ADAMTS12: variants seen among roughly 807,000 people sequenced by gnomAD.
ADAMTS12 encodes ADAM metallopeptidase with thrombospondin type 1 motif 12.
Under a neutral mutation model 167.8 loss-of-function variants are expected in ADAMTS12, and 118 were observed. That is an observed-to-expected ratio of 0.70 (90% CI 0.61 to 0.82). ADAMTS12 has a LOEUF of 0.82. ADAMTS12 is among the 40% of genes least tolerant of loss of function. The pLI, the probability that ADAMTS12 is intolerant of heterozygous loss-of-function variation, is 0.00. For missense variants in ADAMTS12, 1,916 were observed against 1,998.8 expected, an observed-to-expected ratio of 0.96 and a Z score of 0.79; for synonymous variants, 704 against 716.9, an observed-to-expected ratio of 0.98 and a Z score of 0.29.
chr5:33,641,843 A>T lies in ADAMTS12; in HGVS notation c.1685T>A (p.Val562Asp). 6.2e-7 allele frequency: 1 copy of T among 1,612,708 alleles called. No homozygotes were observed. Among genetic ancestry groups the T allele is most frequent in the Non-Finnish European group, 8.5e-7 (1 of 1,179,174 alleles). ...SHCSRTCGAG[V>D]QSAERLCNNP... ...GTTGCAGAGCCTCTCTGCGCTCTGG[A>T]CTCCAGCCCCACAGGTCCTGGAACA... is the stretch of plus-strand genomic sequence containing the variant. The change falls in exon 11 of 24, where the codon GTC becomes GAC. Residue 562 changes from valine (V) to aspartate (D), a missense_variant. Coordinates refer to ENST00000504830, the MANE Select transcript of ADAMTS12 (RefSeq NM_030955.4).
intron 3 of ADAMTS12, among the ~76,000 whole-genome samples, chr5:33,726,633 T>G (rs1452259562): frequency 6.6e-6 from 1 of 150,906 alleles, no homozygotes; most frequent in Non-Finnish European, 1.5e-5. Context: ...GTTTGAACAG[T>G]TGGCCATCTG....
At chr5:33,547,308 G>A (rs1169593256) in intron 21 of ADAMTS12, among the ~76,000 whole-genome samples, 4 of 151,878 alleles carry the variant, frequency 2.6e-5, no homozygotes, top group African/African-American at 9.7e-5. Context: ...AAAATTTCAG[G>A]CCCCACCTCA....
chr5:33,606,228 G>A (rs1056517899), intron 16 of ADAMTS12, among the ~76,000 whole-genome samples: 6 of 152,288 alleles, frequency 3.9e-5, no homozygotes, highest in East Asian at 1.9e-4. Flanking sequence ...GATTACAGGC[G>A]TGAGCCACTG....
At chr5:33,891,307 A>G (rs1328250335) in intron 1 of ADAMTS12, among the ~76,000 whole-genome samples, 6 of 152,174 alleles carry the variant, frequency 3.9e-5, no homozygotes, top group Non-Finnish European at 7.3e-5. Context: ...CCCTTTCCTG[A>G]CCAGAGGTTT....
At chr5:33,839,564 C>T (rs1398711435) in intron 2 of ADAMTS12, among the ~76,000 whole-genome samples, 1 of 152,170 alleles carries the variant, frequency 6.6e-6, no homozygotes, top group African/African-American at 2.4e-5. Context: ...TGGAAGGGAA[C>T]CAGAGAATGA....
intron 2 of ADAMTS12, among the ~76,000 whole-genome samples, chr5:33,789,225 C>T (rs1465931400): frequency 6.6e-6 from 1 of 152,216 alleles, no homozygotes; most frequent in African/African-American, 2.4e-5. Context: ...TGCTGTGTCC[C>T]AGGCCCAAGG....
At position 33,525,629 on chromosome 5, in the gene ADAMTS12, T is replaced by C. The variant is rs1321736270; in HGVS notation, c.*1559A>G. 1 of 152,194 alleles carries C rather than the reference T, an allele frequency of 6.6e-6. No individual in the cohort carries two copies. 9.4% of individuals were successfully genotyped at this position (152,194 alleles called of 1,614,324 possible). On this transcript the variant is annotated 3_prime_UTR_variant, in exon 24 of 24. Coordinates refer to ENST00000504830, the MANE Select transcript of ADAMTS12 (RefSeq NM_030955.4). ...CATCTAGATATTAGCACCATTTTTT[T>C]AATAGCACCATTCTGCTGAACGGAT...
At chr5:33,597,779 C>T (rs1453726848) in intron 16 of ADAMTS12, among the ~76,000 whole-genome samples, 3 of 151,990 alleles carry the variant, frequency 2.0e-5, no homozygotes, top group Admixed American at 1.3e-4. Context: ...AATAGAGACT[C>T]GGATCATTGA....
At chr5:33,645,202 G>A (rs1437357610) in intron 9 of ADAMTS12, among the ~76,000 whole-genome samples, 1 of 151,300 alleles carries the variant, frequency 6.6e-6, no homozygotes, top group Non-Finnish European at 1.5e-5. Flanking sequence ...AGGCACTCAA[G>A]CTATAAGGGG....
At chr5:33,777,579 G>C (rs1047827375) in intron 2 of ADAMTS12, among the ~76,000 whole-genome samples, 3 of 151,942 alleles carry the variant, frequency 2.0e-5, no homozygotes, top group Admixed American at 2.0e-4. Context: ...CAGACTAAAT[G>C]GTAAAAAGCT....
At chr5:33,888,898 A>C in intron 1 of ADAMTS12, among the ~76,000 whole-genome samples, 1 of 152,206 alleles carries the variant, frequency 6.6e-6, no homozygotes, top group African/African-American at 2.4e-5. Context: ...CAGTTAGTCA[A>C]ATAGCCTGTT....
chr5:33,740,174 T>C lies in ADAMTS12; in HGVS notation c.634+11230A>G, dbSNP rs147399446. On this transcript the variant is annotated intron_variant, in intron 3 of 23. Coordinates refer to ENST00000504830, the MANE Select transcript of ADAMTS12 (RefSeq NM_030955.4). ...GTTTCCAGTCCATTTCTCTTTCAAC[T>C]CTAACGTGAAGAACAGAGAAAAATA... 2.5e-3 allele frequency among the ~76,000 whole-genome samples: 387 copies of C among 152,266 alleles called. 3 individuals are homozygous for C. The highest frequency in any genetic ancestry group is 8.9e-3 in the African/African-American group (368 of 41,556).
intron 2 of ADAMTS12, among the ~76,000 whole-genome samples, chr5:33,866,083 T>C (rs10073315): frequency 0.015 from 2,256 of 152,210 alleles, 64 homozygotes; most frequent in African/African-American, 0.052. Flanking sequence ...ACCAACATCA[T>C]TTTTCACAGA....
Position 33,648,866 on chromosome 5 carries a change from G to A in ADAMTS12, c.1435C>T (p.Gln479Ter). ...GVIYDVHHQCQLQYGPNATFC... is the reference protein window; with the variant it reads ...GVIYDVHHQC Reference sequence around the variant, plus strand: ...GTAGCATTGGGTCCATATTGTAGCTGGCACTGGTGGTGAACATCATAGATC... The same window carrying A: ...GTAGCATTGGGTCCATATTGTAGCTAGCACTGGTGGTGAACATCATAGATC... Residue 479 changes from glutamine (Q) to a stop codon, truncating the protein, a stop_gained, in exon 9 of 24, where the codon CAG becomes TAG. Coordinates refer to ENST00000504830, the MANE Select transcript of ADAMTS12 (RefSeq NM_030955.4). LOFTEE classifies it high-confidence loss of function. 1 of 1,614,032 alleles carries A rather than the reference G, an allele frequency of 6.2e-7. No homozygotes were observed. Among genetic ancestry groups the A allele is most frequent in the African/African-American group, 1.3e-5 (1 of 75,014 alleles).
chr5:33,666,788 G>A (rs1741487161), intron 5 of ADAMTS12, among the ~76,000 whole-genome samples: 1 of 152,054 alleles, frequency 6.6e-6, no homozygotes, highest in African/African-American at 2.4e-5. Context: ...ACCATGCCCG[G>A]CCACCATACA....
intron 3 of ADAMTS12, among the ~76,000 whole-genome samples, chr5:33,698,823 C>T (rs35443495): frequency 0.19 from 29,169 of 151,370 alleles, 2,938 homozygotes; most frequent in East Asian, 0.33. Flanking sequence ...TGCTAACTCT[C>T]TTTTGGAAAT....
intron 19 of ADAMTS12, among the ~76,000 whole-genome samples, chr5:33,568,770 A>C (rs1579678226): frequency 6.6e-6 from 1 of 152,244 alleles, no homozygotes; most frequent in Non-Finnish European, 1.5e-5. Flanking sequence ...CGCACCGTGC[A>C]CCAGCCAAAG....
chr5:33,589,683 G>C (rs984764880), intron 17 of ADAMTS12, among the ~76,000 whole-genome samples: 6 of 152,090 alleles, frequency 3.9e-5, no homozygotes, highest in Non-Finnish European at 7.4e-5. Context: ...TATTTTTCCT[G>C]TGTACAGCCC....
At chr5:33,537,327 C>G (rs1272310088) in intron 22 of ADAMTS12, among the ~76,000 whole-genome samples, 1 of 152,146 alleles carries the variant, frequency 6.6e-6, no homozygotes, top group East Asian at 1.9e-4. Context: ...TCCTTGGAAA[C>G]TAGAGAGTTA....
Sources: allele counts gnomAD v4.1 joint callset (sites outside exome capture counted in the v4.1 genomes callset), GRCh38; gene constraint gnomAD v4.1.1; transcripts MANE v1.5; gene names NCBI Gene and HGNC (gene_info 2026-07-23, HGNC 2026-07-21).